Variants in RTN3 observed in about 807,000 individuals in gnomAD.
RTN3 encodes the protein reticulon-3.
A neutral mutation model predicts 77.8 loss-of-function variants in RTN3; 49 were observed. The ratio of observed to expected loss-of-function variants is 0.63; its 90% CI spans 0.50 to 0.80. The LOEUF is 0.80. Among genes scored for constraint, RTN3 ranks in the 30% least tolerant of loss-of-function variants. The pLI is 0.00. For synonymous variants in RTN3, 464 were observed against 446.9 expected (o/e 1.04, Z -0.48); for missense variants, 1,236 against 1,211.9 (o/e 1.02, Z -0.29).
At chr11:63,730,242 T>C (rs1298117852) in intron 3 of RTN3, among the ~76,000 whole-genome samples, 1 of 152,130 alleles carries the variant, frequency 6.6e-6, no homozygotes. Flanking sequence ...GCTGGGATCA[T>C]AGGCGTGAGC....
Position 63,719,632 on chromosome 11 carries a change from T to C in RTN3, c.1130T>C (p.Val377Ala), listed in dbSNP as rs1399006687. ...MSEYNSEIPV[V>A]NLKTSTHQKT... ...GAATATAATTCAGAAATTCCAGTTGTAAATCTTAAAACTAGCACTCATCAG... is the reference window on the plus strand; with the variant it reads ...GAATATAATTCAGAAATTCCAGTTGCAAATCTTAAAACTAGCACTCATCAG... The change falls in exon 3 of 9, where the codon GTA (valine) becomes GCA (alanine). Residue 377 changes from valine (V) to alanine (A), a missense_variant. By Grantham distance (64) the Val-to-Ala change is moderately conservative. Coordinates refer to ENST00000377819, the MANE Select transcript of RTN3 (RefSeq NM_001265589.2). 7 of 1,613,658 alleles carry C rather than the reference T, an allele frequency of 4.3e-6. No homozygotes were observed. The highest frequency in any genetic ancestry group is 5.1e-6 in the Non-Finnish European group (6 of 1,179,958).
At chr11:63,726,265 A>G (rs953555343) in intron 3 of RTN3, among the ~76,000 whole-genome samples, 24 of 152,238 alleles carry the variant, frequency 1.6e-4, no homozygotes, top group African/African-American at 5.3e-4. Flanking sequence ...GAGTTGACAC[A>G]TGTAAGAAGA....
intron 1 of RTN3, among the ~76,000 whole-genome samples, chr11:63,689,541 G>A (rs1941546552): frequency 6.6e-6 from 1 of 151,934 alleles, no homozygotes; most frequent in Admixed American, 6.6e-5. Flanking sequence ...CTGTAACGGG[G>A]TTTGCATTTC....
At chr11:63,734,369 C>T (rs2012919868) in intron 3 of RTN3, among the ~76,000 whole-genome samples, 1 of 151,924 alleles carries the variant, frequency 6.6e-6, no homozygotes, top group South Asian at 2.1e-4. Context: ...ATCCCTTGAA[C>T]TCAACAGGCA....
At chr11:63,751,307 T>G (rs1346162995) in intron 4 of RTN3, among the ~76,000 whole-genome samples, 1 of 152,232 alleles carries the variant, frequency 6.6e-6, no homozygotes, top group African/African-American at 2.4e-5. Flanking sequence ...TGTCTGTGCT[T>G]TGGTAATACC....
chr11:63,746,059 C>T (rs1366487534), intron 3 of RTN3, among the ~76,000 whole-genome samples: 4 of 152,218 alleles, frequency 2.6e-5, no homozygotes, highest in Non-Finnish European at 4.4e-5. Context: ...GATCCACCCA[C>T]CTTGGCCTCC....
intron 3 of RTN3, among the ~76,000 whole-genome samples, chr11:63,729,019 TA>T (rs1304342528): frequency 6.6e-6 from 1 of 151,442 alleles, no homozygotes; most frequent in Non-Finnish European, 1.5e-5. Flanking sequence ...TAACATCTTA[TA>T]AAGTGCCCAA....
chr11:63,685,752 C>G (rs140433490), intron 1 of RTN3, among the ~76,000 whole-genome samples: 113 of 152,194 alleles, frequency 7.4e-4, no homozygotes, highest in Non-Finnish European at 1.4e-3. Flanking sequence ...CCAAGCTCCT[C>G]TTGGTTTTGG....
intron 1 of RTN3, among the ~76,000 whole-genome samples, chr11:63,685,075 TA>T (rs1396486236): frequency 1.2e-4 from 19 of 152,192 alleles, no homozygotes; most frequent in African/African-American, 4.3e-4. Flanking sequence ...ACTCTTATCT[TA>T]AATGCTTATC....
At chr11:63,705,304 A>G (rs540121998) in intron 2 of RTN3, among the ~76,000 whole-genome samples, 3 of 152,322 alleles carry the variant, frequency 2.0e-5, no homozygotes, top group African/African-American at 4.8e-5. Context: ...TCTGGGCAAC[A>G]TGGTGAAACC....
At chr11:63,704,817 T>A in intron 1 of RTN3, 34 bp from the exon 2 acceptor site, 1 of 1,469,912 alleles carries the variant, frequency 6.8e-7, no homozygotes, top group Non-Finnish European at 9.5e-7. Flanking sequence ...CTGTGTGAGG[T>A]TGTCATATTC....
rs1565333428 is a variant in RTN3 at position 63,734,774 on chromosome 11, CACACACA to C, written c.2530+13743_2530+13749del. Among the ~76,000 whole-genome samples, 538 of 148,852 alleles carry C rather than the reference CACACACA, an allele frequency of 3.6e-3. 2 individuals are homozygous for C. The highest frequency in any genetic ancestry group is 7.0e-3 in the Middle Eastern group (2 of 284). The stretch of plus-strand genomic sequence containing the variant: ...ACACACACACACACACACACACACA[CACACACA>C]CCATACTGGAGGTCCTAGCCACTGA... On this transcript the variant is annotated intron_variant, in intron 3 of 8. Coordinates refer to ENST00000377819, the MANE Select transcript of RTN3 (RefSeq NM_001265589.2).
chr11:63,718,678 T>G, intron 2 of RTN3, 24 bp from the exon 3 acceptor site: 1 of 1,518,022 alleles, frequency 6.6e-7, no homozygotes, highest in Non-Finnish European at 8.8e-7. Flanking sequence ...TAAACAATTT[T>G]TTTCTTTGAA....
chr11:63,681,710 CCGG>C lies in RTN3; in HGVS notation c.84_86del (p.Gly29del), dbSNP rs762364514. On this transcript the variant is annotated inframe_deletion, in exon 1 of 9. Transcript: ENST00000377819. The stretch of plus-strand genomic sequence containing the variant: ...TCCTTCGGAGCCGAGCCGTCCGCGC[CCGG>C]CGGCGGCGGGAGCCCAGGAGCCTGC... 91 of 1,610,032 alleles carry C rather than the reference CCGG, an allele frequency of 5.7e-5. No individual in the cohort carries two copies. The South Asian group carries it at 8.7e-4, about 15-fold the overall frequency.
intron 1 of RTN3, among the ~76,000 whole-genome samples, chr11:63,699,045 T>C (rs61928206): frequency 0.1 from 15,468 of 152,192 alleles, 969 homozygotes; most frequent in South Asian, 0.16. Context: ...CCGAACACTT[T>C]GGGAGGCCAA....
intron 2 of RTN3, among the ~76,000 whole-genome samples, chr11:63,715,871 ATGTAATC>A (rs2011367820): frequency 6.6e-6 from 1 of 152,208 alleles, no homozygotes; most frequent in Non-Finnish European, 1.5e-5. Context: ...TCTGATTTAA[ATGTAATC>A]TGTAGTACTT....
At chr11:63,749,763 C>T (rs1296329029) in intron 3 of RTN3, among the ~76,000 whole-genome samples, 1 of 152,170 alleles carries the variant, frequency 6.6e-6, no homozygotes, top group Non-Finnish European at 1.5e-5. Context: ...GTGGCACACA[C>T]CTGTAGTCTG....
intron 3 of RTN3, among the ~76,000 whole-genome samples, chr11:63,743,841 G>A (rs567882199): frequency 1.6e-4 from 25 of 152,156 alleles, no homozygotes; most frequent in South Asian, 4.1e-4. Context: ...GCTTGAACCC[G>A]GGAGCCAGAG....
chr11:63,710,278 G>A (rs983744054), intron 2 of RTN3, among the ~76,000 whole-genome samples: 3 of 151,972 alleles, frequency 2.0e-5, no homozygotes, highest in African/African-American at 7.2e-5. Flanking sequence ...CAATCTTCCC[G>A]CCTCAGCCTC....
Sources: gnomAD v4.1 joint callset for allele counts (sites outside exome capture counted in the v4.1 genomes callset) on GRCh38, gnomAD v4.1.1 for gene constraint, MANE v1.5 for transcripts, NCBI Gene and HGNC (gene_info 2026-07-23, HGNC 2026-07-21) for gene names.